CNTNAP5: variants seen among roughly 807,000 people sequenced by gnomAD.
CNTNAP5 encodes the protein contactin associated protein family member 5.
A neutral mutation model predicts 150.2 loss-of-function variants in CNTNAP5; 72 were observed. That is an observed-to-expected ratio of 0.48 (90% CI 0.40 to 0.58). The LOEUF (loss-of-function observed/expected upper bound fraction) is 0.58. Ranked by LOEUF, CNTNAP5 falls within the 20% of genes least tolerant of loss-of-function variation. The pLI is 0.00. For missense variants in CNTNAP5, 1,636 were observed against 1,626.2 expected (o/e 1.01, Z -0.10); for synonymous variants, 672 against 619.8 (o/e 1.08, Z -1.25).
intron 1 of CNTNAP5, among the ~76,000 whole-genome samples, chr2:124,081,871 C>A (rs1028722460): frequency 6.6e-6 from 1 of 152,124 alleles, no homozygotes; most frequent in Non-Finnish European, 1.5e-5. Flanking sequence ...CTTGCACTGT[C>A]CTGTAGTACA....
intron 14 of CNTNAP5, among the ~76,000 whole-genome samples, chr2:124,759,777 G>T (rs1487041411): frequency 1.3e-5 from 2 of 151,840 alleles, no homozygotes; most frequent in African/African-American, 4.8e-5. Context: ...TTGCAGATGT[G>T]GTCCAGTCCC....
At chr2:124,909,334 G>T (rs140939877) in intron 22 of CNTNAP5, among the ~76,000 whole-genome samples, 1 of 152,132 alleles carries the variant, frequency 6.6e-6, no homozygotes, top group Non-Finnish European at 1.5e-5. Flanking sequence ...CTATACAGGC[G>T]TGTAGCCTGG....
chr2:124,658,551 A>G (rs139025906), intron 13 of CNTNAP5, among the ~76,000 whole-genome samples: 249 of 152,152 alleles, frequency 1.6e-3, no homozygotes, highest in African/African-American at 5.7e-3. Context: ...GTGCTAATAT[A>G]GTTATGTAAT....
At chr2:124,184,690 A>G (rs899696403) in intron 1 of CNTNAP5, among the ~76,000 whole-genome samples, 4 of 152,184 alleles carry the variant, frequency 2.6e-5, no homozygotes, top group Non-Finnish European at 4.4e-5. Context: ...ACATTGTGCT[A>G]AAGTGCAGGA....
chr2:124,347,874 G>T (rs1024243950), intron 3 of CNTNAP5, among the ~76,000 whole-genome samples: 4 of 151,180 alleles, frequency 2.6e-5, no homozygotes, highest in Non-Finnish European at 5.9e-5. Flanking sequence ...ACCCAGGCTG[G>T]AGTGCAGTGG....
intron 7 of CNTNAP5, among the ~76,000 whole-genome samples, chr2:124,502,264 G>A (rs190445094): frequency 7.2e-5 from 11 of 152,232 alleles, no homozygotes; most frequent in Admixed American, 5.9e-4. Context: ...ATGAAATGAA[G>A]GGAGACTGAG....
At chr2:124,167,965 G>T (rs1022640187) in intron 1 of CNTNAP5, among the ~76,000 whole-genome samples, 3 of 152,122 alleles carry the variant, frequency 2.0e-5, no homozygotes, top group African/African-American at 4.8e-5. Flanking sequence ...AAGGAGGCAC[G>T]TTTTTATTCC....
chr2:124,381,105 G>A (rs937395358), intron 3 of CNTNAP5, among the ~76,000 whole-genome samples: 2 of 152,130 alleles, frequency 1.3e-5, no homozygotes, highest in Non-Finnish European at 2.9e-5. Flanking sequence ...CAGGGAACTT[G>A]ACGTGGGAAC....
chr2:124,913,188 C>G (rs1387509470), intron 23 of CNTNAP5, among the ~76,000 whole-genome samples: 2 of 152,080 alleles, frequency 1.3e-5, no homozygotes, highest in Middle Eastern at 6.8e-3. Flanking sequence ...AAAAATGAAA[C>G]AGCAAAATAT....
At chr2:124,756,968 A>C (rs1400929569) in intron 14 of CNTNAP5, among the ~76,000 whole-genome samples, 3 of 152,202 alleles carry the variant, frequency 2.0e-5, no homozygotes, top group Non-Finnish European at 2.9e-5. Context: ...GGAAAGAAAG[A>C]AAAGTATAAA....
intron 1 of CNTNAP5, among the ~76,000 whole-genome samples, chr2:124,158,484 C>A (rs1473052899): frequency 1.3e-5 from 2 of 152,188 alleles, no homozygotes; most frequent in Non-Finnish European, 2.9e-5. Flanking sequence ...CAACGTAATA[C>A]TACCATGTGT....
At chr2:124,614,653 A>G (rs1339309897) in intron 12 of CNTNAP5, among the ~76,000 whole-genome samples, 1 of 152,072 alleles carries the variant, frequency 6.6e-6, no homozygotes, top group Non-Finnish European at 1.5e-5. Context: ...TGCTGAGGCT[A>G]TTATTATTAG....
intron 19 of CNTNAP5, among the ~76,000 whole-genome samples, chr2:124,832,017 ATTAAAT>A (rs1323961106): frequency 2.0e-5 from 3 of 152,068 alleles, no homozygotes; most frequent in African/African-American, 7.2e-5. Flanking sequence ...AACCAACAAT[ATTAAAT>A]TAGTCTTACT....
intron 10 of CNTNAP5, among the ~76,000 whole-genome samples, chr2:124,543,561 T>C (rs1470728401): frequency 6.6e-6 from 1 of 152,196 alleles, no homozygotes; most frequent in African/African-American, 2.4e-5. Context: ...TCTGTAACCA[T>C]GTCGGCTGTT....
rs1003434616 is a variant in CNTNAP5 at position 124,790,593 on chromosome 2, G to A, written c.2992+452G>A. 3.3e-5 allele frequency among the ~76,000 whole-genome samples: 5 copies of A among 152,092 alleles called. No individual in the cohort carries two copies. The South Asian group carries it at 6.2e-4, about 19-fold the overall frequency. On this transcript the variant is annotated intron_variant, in intron 18 of 23. Transcript: ENST00000682447. Reference sequence around the variant, plus strand: ...TCAGTAAATTAGTAAACACAGTACCGTGTATTTGGTGAAATCTCTCTATTC... The same window carrying A: ...TCAGTAAATTAGTAAACACAGTACCATGTATTTGGTGAAATCTCTCTATTC...
chr2:124,386,630 G>C (rs185795030), intron 3 of CNTNAP5, among the ~76,000 whole-genome samples: 1 of 152,264 alleles, frequency 6.6e-6, no homozygotes, highest in East Asian at 1.9e-4. Context: ...TGGTAATTCT[G>C]ACCTTCCCTT....
chr2:124,366,455 G>A (rs1474317570), intron 3 of CNTNAP5, among the ~76,000 whole-genome samples: 1 of 152,068 alleles, frequency 6.6e-6, no homozygotes, highest in Non-Finnish European at 1.5e-5. Context: ...CCTAGCCCAA[G>A]ACTAGCAGTG....
chr2:124,043,254 GA>G (rs773952247), intron 1 of CNTNAP5, among the ~76,000 whole-genome samples: 1 of 152,112 alleles, frequency 6.6e-6, no homozygotes, highest in African/African-American at 2.4e-5. Flanking sequence ...CCAGATAGTT[GA>G]CTATTCTATT....
chr2:124,219,739 T>G (rs763271092), intron 1 of CNTNAP5, among the ~76,000 whole-genome samples: 5 of 152,106 alleles, frequency 3.3e-5, no homozygotes, highest in Non-Finnish European at 7.4e-5. Context: ...TTATTATATG[T>G]TTTTTTCTAA....
Sources: gnomAD v4.1 joint callset for allele counts (sites outside exome capture counted in the v4.1 genomes callset) on GRCh38, gnomAD v4.1.1 for gene constraint, MANE v1.5 for transcripts, NCBI Gene and HGNC (gene_info 2026-07-23, HGNC 2026-07-21) for gene names.